The following GABRA1 variants were observed in gnomAD, a reference collection of about 807,000 sequenced individuals.
The protein encoded by GABRA1 is gamma-aminobutyric acid type A receptor subunit alpha1.
In GABRA1, 9 loss-of-function variants were observed where a neutral mutation model predicts 48.9. That is an observed-to-expected ratio of 0.18 (90% CI 0.11 to 0.32). The LOEUF (loss-of-function observed/expected upper bound fraction) is 0.32. Among genes scored for constraint, GABRA1 ranks in the 10% least tolerant of loss-of-function variants. GABRA1 has a pLI of 1.00. For synonymous variants in GABRA1, 210 were observed against 198.7 expected (o/e 1.06, Z -0.48); for missense variants, 285 against 553.8 (o/e 0.51, Z 4.87).
intron 8 of GABRA1, among the ~76,000 whole-genome samples, chr5:161,891,646 A>G (rs1045377321): frequency 6.6e-6 from 1 of 152,214 alleles, no homozygotes; most frequent in Non-Finnish European, 1.5e-5. Context: ...ACAACCTTTT[A>G]CAAATAGGAA....
intron 4 of GABRA1, among the ~76,000 whole-genome samples, chr5:161,870,882 A>AT (rs1317193933): frequency 1.3e-5 from 2 of 151,034 alleles, no homozygotes; most frequent in African/African-American, 4.9e-5. Context: ...CTTTTATTTC[A>AT]TTTTGTATTT....
rs892619875 is a variant in GABRA1 at position 161,870,162 on chromosome 5, G to A, written c.256-2955G>A. On this transcript the variant is annotated intron_variant, in intron 4 of 9. Coordinates refer to ENST00000393943, the MANE Select transcript of GABRA1 (RefSeq NM_001127644.2). ...TTAAGAAACTGGGGACTTAGCAAGC[G>A]TAAAATAATTACCTAAGGCCACTCA... 9.9e-5 allele frequency among the ~76,000 whole-genome samples: 15 copies of A among 152,144 alleles called. No individual in the cohort carries two copies. In the South Asian group the frequency reaches 1.5e-3, roughly 15 times the overall value.
chr5:161,860,533 C>T (rs192568234), intron 3 of GABRA1, among the ~76,000 whole-genome samples: 23 of 151,450 alleles, frequency 1.5e-4, no homozygotes, highest in Admixed American at 1.4e-3. Context: ...AAAGAAAGTA[C>T]AAAAAAGTAG....
intron 8 of GABRA1, among the ~76,000 whole-genome samples, chr5:161,894,822 G>A (rs893967265): frequency 2.0e-5 from 3 of 152,034 alleles, no homozygotes; most frequent in African/African-American, 7.2e-5. Context: ...AACTAAAATG[G>A]GCTAACTTGA....
At chr5:161,852,322 T>C (rs1257101744) in intron 2 of GABRA1, among the ~76,000 whole-genome samples, 1 of 146,378 alleles carries the variant, frequency 6.8e-6, no homozygotes, top group Admixed American at 6.7e-5. Context: ...TAATAAACAC[T>C]CTATATTTTA....
intron 2 of GABRA1, among the ~76,000 whole-genome samples, chr5:161,852,221 T>C (rs1402423166): frequency 2.0e-5 from 3 of 152,020 alleles, no homozygotes; most frequent in African/African-American, 4.8e-5. Context: ...ATGCAAACAA[T>C]TGGTGAAAAC....
intron 5 of GABRA1, among the ~76,000 whole-genome samples, chr5:161,873,988 A>G (rs1291437285): frequency 6.6e-6 from 1 of 152,168 alleles, no homozygotes; most frequent in African/African-American, 2.4e-5. Flanking sequence ...TTTTATATAG[A>G]AAAAAAGAGA....
intron 4 of GABRA1, 68 bp downstream of exon 4, chr5:161,865,856 T>A (rs1199497127): frequency 7.4e-6 from 10 of 1,353,392 alleles, no homozygotes; most frequent in Non-Finnish European, 1.1e-5. Flanking sequence ...AAGAAAAATA[T>A]AAACTAAGTT....
intron 8 of GABRA1, among the ~76,000 whole-genome samples, chr5:161,893,015 T>A (rs926369428): frequency 0.03 from 1,946 of 64,734 alleles, 51 homozygotes; most frequent in South Asian, 0.085. Flanking sequence ...AAAAAAATAA[T>A]AATAATAATA....
At chr5:161,879,808 T>C (rs1337941952) in intron 6 of GABRA1, among the ~76,000 whole-genome samples, 1 of 152,130 alleles carries the variant, frequency 6.6e-6, no homozygotes, top group Non-Finnish European at 1.5e-5. Flanking sequence ...TTGCAAGAAA[T>C]GAGACACCAA....
At chr5:161,874,836 C>A (rs967851438) in intron 5 of GABRA1, among the ~76,000 whole-genome samples, 1 of 151,806 alleles carries the variant, frequency 6.6e-6, no homozygotes. Flanking sequence ...TATAATTCTA[C>A]AAACTGAAAG....
rs60042641 is a variant in GABRA1 at position 161,893,009 on chromosome 5, AAAT to A, written c.856+1998_856+2000del. Among the ~76,000 whole-genome samples, 630 of 122,406 alleles carry A rather than the reference AAAT, an allele frequency of 5.1e-3. 7 individuals carry two copies. The highest frequency in any genetic ancestry group is 0.018 in the South Asian group (63 of 3,436). 80.3% of individuals were successfully genotyped at this position (122,406 alleles called of 152,430 possible). Reference sequence around the variant, plus strand: ...AACAGAGCGAGACTCCTTCTCAAAAAAATAATAATAATAATAATAATAATAATA... The same window carrying A: ...AACAGAGCGAGACTCCTTCTCAAAAAAATAATAATAATAATAATAATAATA... On this transcript the variant is annotated intron_variant, in intron 8 of 9. Transcript: ENST00000393943.
At position 161,898,601 on chromosome 5, in the gene GABRA1, T is replaced by C. The variant is rs377728451; in HGVS notation, c.*1179T>C. The C allele has an allele frequency of 6.6e-6, 1 of 152,374 alleles. No individual in the cohort carries two copies. Among genetic ancestry groups the C allele is most frequent in the East Asian group, 1.9e-4 (1 of 5,186 alleles). 9.4% of individuals were successfully genotyped at this position (152,374 alleles called of 1,614,324 possible). ...TGAACCACATGGAACTTAAAACATA[T>C]GGGTGTGAAGTCCACTTATGTAGAC... On this transcript the variant is annotated 3_prime_UTR_variant, in exon 10 of 10. Transcript: ENST00000393943.
At position 161,897,918 on chromosome 5, in the gene GABRA1, T is replaced by C. The variant is rs1755447469; in HGVS notation, c.*496T>C. 1 of 152,592 alleles carries C rather than the reference T, an allele frequency of 6.6e-6. No homozygotes were observed. 9.5% of individuals were successfully genotyped at this position (152,592 alleles called of 1,614,324 possible). On this transcript the variant is annotated 3_prime_UTR_variant, in exon 10 of 10. Coordinates refer to ENST00000393943, the MANE Select transcript of GABRA1 (RefSeq NM_001127644.2). ...AACTATGGTGTGCTTATGTTTTTGT[T>C]TTGCTTTTTAAACTGATGTATAGCT...
chr5:161,859,136 T>C (rs887625091), intron 3 of GABRA1, among the ~76,000 whole-genome samples: 1 of 151,742 alleles, frequency 6.6e-6, no homozygotes, highest in African/African-American at 2.4e-5. Flanking sequence ...TTTTCATTTA[T>C]AGAGTTTCTT....
chr5:161,849,268 C>T (rs1022135289), intron 1 of GABRA1, among the ~76,000 whole-genome samples: 1 of 152,086 alleles, frequency 6.6e-6, no homozygotes, highest in Non-Finnish European at 1.5e-5. Flanking sequence ...TTCAGATATT[C>T]AATCTTTTTA....
At chr5:161,884,486 G>A (rs1754752615) in intron 7 of GABRA1, among the ~76,000 whole-genome samples, 1 of 152,150 alleles carries the variant, frequency 6.6e-6, no homozygotes, top group East Asian at 1.9e-4. Flanking sequence ...TGTAGTAGTT[G>A]AGACATAGGA....
At chr5:161,884,671 C>A (rs777447909) in intron 7 of GABRA1, among the ~76,000 whole-genome samples, 1 of 152,096 alleles carries the variant, frequency 6.6e-6, no homozygotes, top group African/African-American at 2.4e-5. Context: ...AACTTTTCCT[C>A]AAGGAACTCT....
intron 7 of GABRA1, among the ~76,000 whole-genome samples, chr5:161,883,819 G>A (rs554084339): frequency 6.6e-6 from 1 of 152,124 alleles, no homozygotes; most frequent in East Asian, 1.9e-4. Flanking sequence ...AACAGGATCT[G>A]TCTCTTGCTT....
Sources: allele counts gnomAD v4.1 joint callset (sites outside exome capture counted in the v4.1 genomes callset), GRCh38; gene constraint gnomAD v4.1.1; transcripts MANE v1.5; gene names NCBI Gene and HGNC (gene_info 2026-07-23, HGNC 2026-07-21).